FARP1: variants seen among roughly 807,000 people sequenced by gnomAD.
The protein encoded by FARP1 is FERM, ARH/RhoGEF and pleckstrin domain protein 1, also known as FERM, ARHGEF and pleckstrin domain-containing protein 1.
In FARP1, 52 loss-of-function variants were observed where a neutral mutation model predicts 128.8. The observed-to-expected ratio is 0.40, with a 90% CI of 0.32 to 0.51. The LOEUF (loss-of-function observed/expected upper bound fraction) is 0.51, where lower values mean the gene tolerates loss of function less well. Among genes scored for constraint, FARP1 ranks in the 20% least tolerant of loss-of-function variants. The pLI, the probability that FARP1 is intolerant of heterozygous loss-of-function variation, is 0.45. For missense variants in FARP1, 1,333 were observed against 1,367.9 expected, an observed-to-expected ratio of 0.97 and a Z score of 0.40; for synonymous variants, 580 against 551.8, an observed-to-expected ratio of 1.05 and a Z score of -0.72.
intron 1 of FARP1, among the ~76,000 whole-genome samples, chr13:98,190,791 C>T (rs551571629): frequency 1.3e-3 from 196 of 150,174 alleles, no homozygotes; most frequent in African/African-American, 4.4e-3. Context: ...AAGTGATTCT[C>T]CCCGCTTGGC....
intron 1 of FARP1, chr13:98,175,692 C>T (rs1594231188): frequency 6.2e-6 from 1 of 161,980 alleles, no homozygotes; most frequent in African/African-American, 2.4e-5. Flanking sequence ...CACTCCCGCT[C>T]TTCCTAACCC....
intron 2 of FARP1, among the ~76,000 whole-genome samples, chr13:98,339,226 A>G (rs9584801): frequency 0.039 from 5,941 of 152,312 alleles, 399 homozygotes; most frequent in African/African-American, 0.14. Context: ...TTCAGGAAGC[A>G]TGGCTGGGAG....
chr13:98,451,568 C>T lies in FARP1; in HGVS notation c.*3251C>T, dbSNP rs1359861567. The stretch of plus-strand genomic sequence containing the variant: ...CAATAACCCACTCAAGCATCTGTAG[C>T]TCAGGGCTCTGTCCCCTCCCTATAG... On this transcript the variant is annotated 3_prime_UTR_variant, in exon 27 of 27. Transcript: ENST00000319562. 2 of 152,166 alleles carry T rather than the reference C, an allele frequency of 1.3e-5. No homozygotes were observed. The highest frequency in any genetic ancestry group is 2.9e-5 in the Non-Finnish European group (2 of 68,034). 9.4% of individuals were successfully genotyped at this position (152,166 alleles called of 1,614,324 possible).
chr13:98,275,336 G>GGA (rs58331449), intron 2 of FARP1, among the ~76,000 whole-genome samples: 12,998 of 143,472 alleles, frequency 0.091, 1,055 homozygotes, highest in African/African-American at 0.22. Flanking sequence ...ATGTGGGTAA[G>GGA]GAGAGAGAGA....
intron 2 of FARP1, among the ~76,000 whole-genome samples, chr13:98,316,680 C>A (rs550663019): frequency 4.6e-5 from 7 of 152,214 alleles, no homozygotes; most frequent in African/African-American, 1.7e-4. Flanking sequence ...GATGCCAGAA[C>A]ACTGCGTTGC....
intron 2 of FARP1, among the ~76,000 whole-genome samples, chr13:98,319,123 C>T (rs1188996486): frequency 4.0e-5 from 6 of 151,592 alleles, no homozygotes; most frequent in African/African-American, 1.5e-4. Context: ...CCACCAGCCC[C>T]GTCCAGTTTT....
intron 15 of FARP1, among the ~76,000 whole-genome samples, chr13:98,411,202 A>G (rs755914278): frequency 6.6e-6 from 1 of 152,210 alleles, no homozygotes; most frequent in Non-Finnish European, 1.5e-5. Context: ...CTTTGATAAT[A>G]AATTGAGCCT....
chr13:98,272,453 C>A (rs993011925), intron 2 of FARP1, among the ~76,000 whole-genome samples: 1 of 152,112 alleles, frequency 6.6e-6, no homozygotes, highest in Non-Finnish European at 1.5e-5. Context: ...TTTGGGAACC[C>A]GTTCGTGAAA....
chr13:98,335,591 A>T (rs1324958270), intron 2 of FARP1, among the ~76,000 whole-genome samples: 1 of 152,178 alleles, frequency 6.6e-6, no homozygotes, highest in East Asian at 1.9e-4. Context: ...CGTATCACTG[A>T]CCCAAAGAGA....
chr13:98,410,783 C>T lies in FARP1; in HGVS notation c.1652C>T (p.Thr551Ile). The change falls in exon 15 of 27, where the codon ACC (threonine) becomes ATC (isoleucine). Residue 551 changes from threonine to isoleucine, a missense_variant. Around this residue, in one of 2 missense-constraint regions of FARP1, gnomAD observed 1,009 missense variants for 969.8 expected, o/e 1.04. Coordinates refer to ENST00000319562, the MANE Select transcript of FARP1 (RefSeq NM_005766.4). ...AYFIAKEVST[T>I]ERTYLKDLEV... The stretch of plus-strand genomic sequence containing the variant: ...TTCATAGCTAAGGAAGTGTCTACCA[C>T]CGAGCGAACATATCTGAAGGATCTC... 6.2e-7 allele frequency: 1 copy of T among 1,605,112 alleles called. No individual in the cohort carries two copies. Among genetic ancestry groups the T allele is most frequent in the Non-Finnish European group, 8.5e-7 (1 of 1,173,914 alleles).
Position 98,295,102 on chromosome 13 carries a change from CACATAT to C in FARP1, c.172-48658_172-48653del, listed in dbSNP as rs1286664908. On this transcript the variant is annotated intron_variant, in intron 2 of 26. Transcript: ENST00000319562. ...ACACACACACACACACACACACACACACATATATCCCCAGGCATTATTTATTTATTT... is the reference window on the plus strand; with the variant it reads ...ACACACACACACACACACACACACACATCCCCAGGCATTATTTATTTATTT... Among the ~76,000 whole-genome samples, 79 of 25,020 alleles carry C rather than the reference CACATAT, an allele frequency of 3.2e-3. 1 individual carries two copies. Among genetic ancestry groups the C allele is most frequent in the East Asian group, 0.014 (11 of 796 alleles). 16.4% of individuals were successfully genotyped at this position (25,020 alleles called of 152,430 possible). A position where few individuals can be genotyped will look rare whatever the true frequency, so the allele number is the denominator to read the frequency against.
At chr13:98,277,148 A>ACACACACACACACACACACACACACACC (rs372627844) in intron 2 of FARP1, among the ~76,000 whole-genome samples, 7 of 138,648 alleles carry the variant, frequency 5.0e-5, no homozygotes, top group South Asian at 2.3e-4. Context: ...ACACACACAC[A>ACACACACACACACACACACACACACACC]CCCCATATGT....
At position 98,428,742 on chromosome 13, in the gene FARP1, A is replaced by G. The variant is rs1479430082; in HGVS notation, c.1906-2301A>G. Among the ~76,000 whole-genome samples, 5 of 152,094 alleles carry G rather than the reference A, an allele frequency of 3.3e-5. No individual in the cohort carries two copies. In the South Asian group the frequency reaches 1.0e-3, roughly 32 times the overall value. On this transcript the variant is annotated intron_variant, in intron 17 of 26. Transcript: ENST00000319562. ...CCTCTGCCTTGGCCTGGGTGTGTGC[A>G]TTGCTTCGTTGGCTCTTTGGTATAT...
chr13:98,430,102 A>T (rs3825433), intron 17 of FARP1, among the ~76,000 whole-genome samples: 127,523 of 151,756 alleles, frequency 0.84, 54,155 homozygotes, highest in Non-Finnish European at 0.91. Flanking sequence ...ATTTTTTTTT[A>T]AATTAGCTGG....
At chr13:98,429,887 G>A (rs1483457369) in intron 17 of FARP1, among the ~76,000 whole-genome samples, 3 of 152,130 alleles carry the variant, frequency 2.0e-5, no homozygotes, top group Admixed American at 6.5e-5. Context: ...TCATCATTTT[G>A]TGCCTTTTAT....
intron 1 of FARP1, among the ~76,000 whole-genome samples, chr13:98,199,975 T>C (rs1478200298): frequency 6.6e-6 from 1 of 152,212 alleles, no homozygotes; most frequent in Non-Finnish European, 1.5e-5. Context: ...CCTTCTCTTC[T>C]GGTAATTTTC....
chr13:98,195,028 C>T (rs1477469732), intron 1 of FARP1, among the ~76,000 whole-genome samples: 3 of 152,140 alleles, frequency 2.0e-5, no homozygotes, highest in Admixed American at 6.5e-5. Context: ...GCCATAGGGT[C>T]GTTGTGTAGA....
chr13:98,269,299 A>G (rs1309037892), intron 2 of FARP1, among the ~76,000 whole-genome samples: 1 of 152,194 alleles, frequency 6.6e-6, no homozygotes. Flanking sequence ...TTATCTGTGA[A>G]AAAGGATAAA....
chr13:98,294,650 A>G (rs368970816), intron 2 of FARP1, among the ~76,000 whole-genome samples: 2 of 152,242 alleles, frequency 1.3e-5, no homozygotes, highest in African/African-American at 4.8e-5. Flanking sequence ...CACTTTAGAG[A>G]TTGGCTTTGT....
Sources: gnomAD v4.1 joint callset for allele counts (sites outside exome capture counted in the v4.1 genomes callset) on GRCh38, gnomAD v4.1.1 for gene constraint, gnomAD v4.1.1 regional missense constraint, MANE v1.5 for transcripts, NCBI Gene and HGNC (gene_info 2026-07-23, HGNC 2026-07-21) for gene names.